Variants in CYS1 observed in about 807,000 individuals in gnomAD.
CYS1 encodes the protein cystin 1.
In CYS1, 5 loss-of-function variants were observed where a neutral mutation model predicts 9.6. The ratio of observed to expected loss-of-function variants is 0.52; its 90% confidence interval spans 0.27 to 1.10. The LOEUF (loss-of-function observed/expected upper bound fraction) is 1.10. CYS1 is among the 50% of genes least tolerant of loss of function. The probability of loss-of-function intolerance (pLI) is 0.11; values close to 1 mark genes in which losing one functional copy is unlikely to be tolerated. For missense variants in CYS1, 221 were observed against 207.9 expected (o/e 1.06, Z -0.39); for synonymous variants, 88 against 95.7 (o/e 0.92, Z 0.47).
chr2:10,070,793 G>A (rs2125290348), intron 1 of CYS1, among the ~76,000 whole-genome samples: 1 of 152,168 alleles, frequency 6.6e-6, no homozygotes, highest in East Asian at 1.9e-4. Context: ...ACAGGCACAT[G>A]CCACCACACA....
chr2:10,068,065 A>C (rs989339966), intron 1 of CYS1, among the ~76,000 whole-genome samples: 3 of 152,004 alleles, frequency 2.0e-5, no homozygotes, highest in African/African-American at 7.3e-5. Flanking sequence ...GGTCATTTCT[A>C]TCTCCCTCTC....
At chr2:10,075,113 CAA>C (rs35611243) in intron 1 of CYS1, among the ~76,000 whole-genome samples, 42,348 of 146,166 alleles carry the variant, frequency 0.29, 6,447 homozygotes, top group East Asian at 0.62. Flanking sequence ...GACTCCATCT[CAA>C]AAAAAAAAAA....
intron 1 of CYS1, among the ~76,000 whole-genome samples, chr2:10,072,387 C>T (rs543916368): frequency 6.6e-6 from 1 of 152,252 alleles, no homozygotes; most frequent in Non-Finnish European, 1.5e-5. Context: ...CCGTGCCCGG[C>T]CCAAAGGTTA....
intron 2 of CYS1, among the ~76,000 whole-genome samples, 199 bp downstream of exon 2, chr2:10,065,705 C>A (rs554292297): frequency 1.5e-4 from 23 of 152,222 alleles, no homozygotes; most frequent in Non-Finnish European, 2.5e-4. Flanking sequence ...AGCAAAGCTG[C>A]GGTGAGATGG....
rs1348882746 is a variant in CYS1, at chr2:10,063,018, A to ACT, written c.371+2884_371+2885dup. Among the ~76,000 whole-genome samples the ACT allele has an allele frequency of 6.6e-6, 1 of 152,164 alleles. No individual in the cohort carries two copies. The highest frequency in any genetic ancestry group is 6.5e-5 in the Admixed American group (1 of 15,276). ...CAGCCAAAAGCTCAGGGAAGCAGCG[A>ACT]CTTCCTCCCGCATGGCTGCTTCCCT... is the stretch of plus-strand genomic sequence containing the variant. On this transcript the variant is annotated intron_variant, in intron 2 of 2. Transcript: ENST00000381813. The surrounding 1 kb of genome is among the most constrained non-coding windows in gnomAD (Gnocchi z 4.2).
At chr2:10,060,143 A>G (rs960653516) in intron 2 of CYS1, among the ~76,000 whole-genome samples, 1 of 152,252 alleles carries the variant, frequency 6.6e-6, no homozygotes, top group African/African-American at 2.4e-5. Flanking sequence ...TGCAGCTGAC[A>G]GGGTCCAGGA....
chr2:10,059,078 G>T, intron 2 of CYS1, 120 bp from the exon 3 acceptor site: 1 of 882,530 alleles, frequency 1.1e-6, no homozygotes, highest in Non-Finnish European at 1.8e-6. Context: ...CGAAGTCTTT[G>T]CCCTGGGACA....
chr2:10,070,569 C>T (rs1159588945), intron 1 of CYS1, among the ~76,000 whole-genome samples: 1 of 152,126 alleles, frequency 6.6e-6, no homozygotes, highest in Non-Finnish European at 1.5e-5. Context: ...TGGTCTTGAA[C>T]TCCTGACCTC....
At chr2:10,077,790 T>C (rs80090162) in intron 1 of CYS1, among the ~76,000 whole-genome samples, 2,188 of 152,276 alleles carry the variant, frequency 0.014, 21 homozygotes, top group East Asian at 0.035. Context: ...GATTCATTTA[T>C]TCAAGAAATA....
Position 10,080,269 on chromosome 2 carries a change from G to A in CYS1, c.-46C>T. The stretch of plus-strand genomic sequence containing the variant: ...GACCGCCGAGGGGGCCCCCATGAGG[G>A]GGCGCGGCCGGGGGCGGGGACGCTA... On this transcript the variant is annotated 5_prime_UTR_variant, in exon 1 of 3. Transcript: ENST00000381813. The surrounding 1 kb of genome is among the most constrained non-coding windows in gnomAD (Gnocchi z 6.4). The A allele has an allele frequency of 9.9e-7, 1 of 1,013,094 alleles. No individual in the cohort carries two copies. Among genetic ancestry groups the A allele is most frequent in the Non-Finnish European group, 1.2e-6 (1 of 847,814 alleles). 62.8% of individuals were successfully genotyped at this position (1,013,094 alleles called of 1,614,324 possible).
intron 1 of CYS1, among the ~76,000 whole-genome samples, chr2:10,074,849 T>C (rs1661820754): frequency 6.6e-6 from 1 of 152,188 alleles, no homozygotes; most frequent in Non-Finnish European, 1.5e-5. Context: ...CGGTCGCTCA[T>C]GCCTATAATC....
At chr2:10,068,382 C>T (rs1198025765) in intron 1 of CYS1, among the ~76,000 whole-genome samples, 1 of 152,150 alleles carries the variant, frequency 6.6e-6, no homozygotes, top group East Asian at 1.9e-4. Context: ...TTGTCATTGG[C>T]AGCTTGTCAT....
intron 1 of CYS1, among the ~76,000 whole-genome samples, chr2:10,074,883 G>A (rs543216342): frequency 7.9e-5 from 12 of 152,144 alleles, no homozygotes; most frequent in Non-Finnish European, 1.2e-4. Context: ...AGGCTGAGGC[G>A]GATGGATCAC....
chr2:10,070,140 G>A (rs982977008), intron 1 of CYS1, among the ~76,000 whole-genome samples: 4 of 152,136 alleles, frequency 2.6e-5, no homozygotes, highest in Non-Finnish European at 4.4e-5. Context: ...AGGTGAGGAG[G>A]GGGAGGGCAA....
In CYS1 at chr2:10,068,948, G is replaced by T. The variant is rs1661730295; in HGVS notation, c.319-2992C>A. Among the ~76,000 whole-genome samples the T allele has an allele frequency of 2.0e-5, 3 of 152,094 alleles. No individual in the cohort carries two copies. In the South Asian group the frequency reaches 6.2e-4, roughly 32 times the overall value. On this transcript the variant is annotated intron_variant, in intron 1 of 2. Transcript: ENST00000381813. The stretch of plus-strand genomic sequence containing the variant: ...GTGGTGGCGGGCACCTCTAATCCCA[G>T]CTACTGGGGAGGCTGAGGCAGGAGA...
At chr2:10,061,852 T>C (rs1358254356) in intron 2 of CYS1, among the ~76,000 whole-genome samples, 1 of 152,160 alleles carries the variant, frequency 6.6e-6, no homozygotes, top group Non-Finnish European at 1.5e-5. Flanking sequence ...AAGCTCTTTC[T>C]TTCCCCTGCT....
chr2:10,070,318 G>A lies in CYS1; in HGVS notation c.319-4362C>T, dbSNP rs565665379. ...CTTGACCTCTATCGCTGCGGTCCCC[G>A]TGCTGAGATGGAGAACCTGTTTTAT... On this transcript the variant is annotated intron_variant, in intron 1 of 2. Transcript: ENST00000381813. Among the ~76,000 whole-genome samples, 17 of 152,214 alleles carry A rather than the reference G, an allele frequency of 1.1e-4. No homozygotes were observed. In the South Asian group the frequency reaches 2.9e-3, roughly 26 times the overall value.
chr2:10,070,959 T>TTTTG (rs749523336), intron 1 of CYS1, among the ~76,000 whole-genome samples: 8 of 149,642 alleles, frequency 5.3e-5, no homozygotes, highest in Admixed American at 6.6e-5. Context: ...TGAGAACCCT[T>TTTTG]TTTGTTTGTT....
intron 1 of CYS1, among the ~76,000 whole-genome samples, chr2:10,066,765 T>C (rs1028036930): frequency 8.5e-5 from 13 of 152,198 alleles, no homozygotes; most frequent in Non-Finnish European, 1.3e-4. Flanking sequence ...AAAAATCCTA[T>C]GTTGAATCAT....
Sources: allele counts gnomAD v4.1 joint callset (sites outside exome capture counted in the v4.1 genomes callset), GRCh38; gene constraint gnomAD v4.1.1; non-coding constraint Gnocchi (gnomAD v3.1); transcripts MANE v1.5; gene names NCBI Gene and HGNC (gene_info 2026-07-23, HGNC 2026-07-21).